FLNB: variants seen among roughly 807,000 people sequenced by gnomAD.
The protein encoded by FLNB is filamin B.
Under a neutral mutation model 250.6 loss-of-function variants are expected in FLNB, and 111 were observed. The observed-to-expected ratio is 0.44, with a 90% CI of 0.38 to 0.52. The LOEUF (loss-of-function observed/expected upper bound fraction) is 0.52. FLNB is among the 20% of genes least tolerant of loss of function. The pLI, the probability that FLNB is intolerant of heterozygous loss-of-function variation, is 0.00. For missense variants in FLNB, 2,869 were observed against 3,447.8 expected (o/e 0.83, Z 4.20); for synonymous variants, 1,302 against 1,372.1 (o/e 0.95, Z 1.13).
At chr3:58,109,049 T>C in intron 13 of FLNB, 130 bp from the exon 14 acceptor site, 6 of 976,628 alleles carry the variant, frequency 6.1e-6, no homozygotes, top group Non-Finnish European at 9.7e-6. Context: ...ATATGGCACA[T>C]TGTAGTTGGT....
chr3:58,100,052 C>T (rs528338109), intron 8 of FLNB, among the ~76,000 whole-genome samples: 137 of 152,130 alleles, frequency 9.0e-4, no homozygotes, highest in Non-Finnish European at 1.6e-3. Context: ...TCTTAAGACA[C>T]ATTAAAGCCC....
intron 2 of FLNB, chr3:58,078,257 C>G: frequency 7.2e-7 from 1 of 1,384,978 alleles, no homozygotes; most frequent in East Asian, 2.6e-5. Flanking sequence ...GGAGTTTTTA[C>G]TCTAGTCCTT....
intron 23 of FLNB, 82 bp downstream of exon 23, chr3:58,125,825 T>A: frequency 7.5e-7 from 1 of 1,342,072 alleles, no homozygotes; most frequent in Non-Finnish European, 1.1e-6. Context: ...TCCTAACTTT[T>A]GATAAGATGA....
chr3:58,107,628 G>C (rs1211193536), intron 12 of FLNB, among the ~76,000 whole-genome samples: 1 of 151,996 alleles, frequency 6.6e-6, no homozygotes, highest in Non-Finnish European at 1.5e-5. Context: ...ATAGATAAAG[G>C]ATTTTTTTTT....
Position 58,144,427 on chromosome 3 carries a change from G to A in FLNB, c.5425+814G>A, listed in dbSNP as rs115073241. 2.2e-3 allele frequency among the ~76,000 whole-genome samples: 340 copies of A among 152,224 alleles called. 2 individuals carry two copies. Among genetic ancestry groups the A allele is most frequent in the Non-Finnish European group, 3.8e-3 (257 of 68,000 alleles). The stretch of plus-strand genomic sequence containing the variant: ...TATTTTTAAGACTCTCCATGCAAAC[G>A]GAAATACAGATATATAAGAGAGTGT... On this transcript the variant is annotated intron_variant, in intron 32 of 45. Transcript: ENST00000295956.
At chr3:58,078,359 A>G in intron 2 of FLNB, 2 of 1,491,242 alleles carry the variant, frequency 1.3e-6, no homozygotes, top group South Asian at 1.3e-5. Flanking sequence ...GCTATTCTAG[A>G]CTTTTTAGAT....
intron 11 of FLNB, among the ~76,000 whole-genome samples, chr3:58,106,128 T>G (rs35997722): frequency 0.03 from 4,632 of 152,172 alleles, 109 homozygotes; most frequent in Non-Finnish European, 0.045. Context: ...CTCTATCCAT[T>G]GTCAGGCTCT....
intron 1 of FLNB, among the ~76,000 whole-genome samples, chr3:58,037,101 A>G (rs1023245146): frequency 2.3e-4 from 27 of 119,792 alleles, no homozygotes; most frequent in African/African-American, 8.8e-4. Context: ...GTCTCGCTCT[A>G]TCACCCTGGC....
chr3:58,046,306 T>C (rs536211934), intron 1 of FLNB, among the ~76,000 whole-genome samples: 1 of 152,204 alleles, frequency 6.6e-6, no homozygotes, highest in South Asian at 2.1e-4. Flanking sequence ...TAGAGGAATT[T>C]ATAGGAATTT....
In FLNB at chr3:58,098,523, G is replaced by A. The variant is rs7640352; in HGVS notation, c.1148-188G>A. Among the ~76,000 whole-genome samples, 824 of 152,150 alleles carry A rather than the reference G, an allele frequency of 5.4e-3. 8 individuals are homozygous for A. Among genetic ancestry groups the A allele is most frequent in the African/African-American group, 0.019 (773 of 41,504 alleles). ...TTTTTGTATTTTTTTTAGTAGAGACGGATTTCACCATGTTGGCCAGGCTGG... is the reference window on the plus strand; with the variant it reads ...TTTTTGTATTTTTTTTAGTAGAGACAGATTTCACCATGTTGGCCAGGCTGG... On this transcript the variant is annotated intron_variant, in intron 7 of 45. Coordinates refer to ENST00000295956, the MANE Select transcript of FLNB (RefSeq NM_001457.4).
chr3:58,127,702 A>T (rs1179091527), intron 24 of FLNB, among the ~76,000 whole-genome samples: 1 of 152,240 alleles, frequency 6.6e-6, no homozygotes, highest in African/African-American at 2.4e-5. Context: ...GGACAAAATC[A>T]CTTCAGCCTG....
Position 58,143,520 on chromosome 3 carries a change from G to A in FLNB, c.5332G>A (p.Asp1778Asn), listed in dbSNP as rs780342968. Residue 1778 changes from aspartate (D) to asparagine (N), a missense_variant, in exon 32 of 46, where the codon GAC (aspartate) becomes AAC (asparagine). Transcript: ENST00000295956. ...GAAGACAGCCACACCTGAGATTGTG[G>A]ACAACAAGGACGGCACGGTCACTGT... ...SGKTATPEIV[D>N]NKDGTVTVRY... 1.4e-5 allele frequency: 22 copies of A among 1,614,070 alleles called. No homozygotes were observed. Among genetic ancestry groups the A allele is most frequent in the Non-Finnish European group, 1.9e-5 (22 of 1,180,040 alleles).
In FLNB at chr3:58,154,877, G is replaced by T. The variant is rs759839575; in HGVS notation, c.6721G>T (p.Asp2241Tyr). 5 of 1,613,996 alleles carry T rather than the reference G, an allele frequency of 3.1e-6. No homozygotes were observed. The highest frequency in any genetic ancestry group is 3.4e-6 in the Non-Finnish European group (4 of 1,179,930). ...EGPSKAEITF[D>Y]DHKNGSCGVS... ...CCCCAGTAAGGCCGAGATTACATTCGATGACCATAAAAATGGGTCGTGCGG... is the reference window on the plus strand; with the variant it reads ...CCCCAGTAAGGCCGAGATTACATTCTATGACCATAAAAATGGGTCGTGCGG... Residue 2241 changes from aspartate to tyrosine, a missense_variant, in exon 40 of 46, where the codon GAT becomes TAT. Physicochemically the swap from Asp to Tyr is radical, Grantham distance 160 (BLOSUM62 -3). Around this residue, in one of 5 missense-constraint regions of FLNB, gnomAD observed 1,084 missense variants for 1,315.5 expected, o/e 0.82. Transcript: ENST00000295956.
chr3:58,024,555 A>C lies in FLNB; in HGVS notation c.292+15699A>C, dbSNP rs141507979. On this transcript the variant is annotated intron_variant, in intron 1 of 45. Transcript: ENST00000295956. The stretch of plus-strand genomic sequence containing the variant: ...TCTAGGAAGGTGAAAGGTGGTTGGG[A>C]ATACTCCCAGAAATAGGCCAAAGAT... 3.5e-4 allele frequency among the ~76,000 whole-genome samples: 54 copies of C among 152,162 alleles called. 1 individual carries two copies. The Middle Eastern group carries it at 0.014, about 38-fold the overall frequency.
chr3:58,050,423 T>C (rs574741636), intron 1 of FLNB, among the ~76,000 whole-genome samples: 3 of 152,344 alleles, frequency 2.0e-5, no homozygotes, highest in Admixed American at 1.3e-4. Context: ...GTATGGTAAC[T>C]ACAGCCATTT....
At chr3:58,061,238 A>C (rs556875508) in intron 1 of FLNB, among the ~76,000 whole-genome samples, 1 of 152,182 alleles carries the variant, frequency 6.6e-6, no homozygotes, top group Non-Finnish European at 1.5e-5. Flanking sequence ...GAATTCAATT[A>C]TATTACTTCT....
In FLNB at chr3:58,094,880, A is replaced by C; in HGVS notation, c.832A>C (p.Thr278Pro). 3.1e-6 allele frequency: 5 copies of C among 1,614,104 alleles called. No individual in the cohort carries two copies. The highest frequency in any genetic ancestry group is 4.2e-6 in the Non-Finnish European group (5 of 1,180,006). ...CATGGTGAAGCAGCCAGCCAAGTTC[A>C]CTGTGGACACCATCAGCGCCGGGCA... ...GNMVKQPAKF[T>P]VDTISAGQGD... The change falls in exon 5 of 46, where the codon ACT becomes CCT. Residue 278 changes from threonine (T) to proline (P), a missense_variant. By Grantham distance (38) the Thr-to-Pro change is conservative. This residue lies in a region of FLNB where 308 missense variants were observed against 466.1 expected (regional missense o/e 0.66). Coordinates refer to ENST00000295956, the MANE Select transcript of FLNB (RefSeq NM_001457.4).
At chr3:58,038,438 G>T (rs1380942746) in intron 1 of FLNB, among the ~76,000 whole-genome samples, 1 of 140,344 alleles carries the variant, frequency 7.1e-6, no homozygotes, top group Non-Finnish European at 1.5e-5. Context: ...GTGAATTGAT[G>T]GCTTTTTTTT....
At chr3:58,042,062 TCTTCCCCAG>T (rs1002446026) in intron 1 of FLNB, among the ~76,000 whole-genome samples, 6 of 152,194 alleles carry the variant, frequency 3.9e-5, no homozygotes, top group Admixed American at 6.5e-5. Context: ...TTGACCCCAT[TCTTCCCCAG>T]CTTTGCATTC....
Sources: allele counts gnomAD v4.1 joint callset (sites outside exome capture counted in the v4.1 genomes callset), GRCh38; gene constraint gnomAD v4.1.1; regional missense constraint gnomAD v4.1.1; transcripts MANE v1.5; gene names NCBI Gene and HGNC (gene_info 2026-07-23, HGNC 2026-07-21).